TMEM184B: variants seen among roughly 807,000 people sequenced by gnomAD.
The protein encoded by TMEM184B is putative MAPK-activating protein FM08.
TMEM184B carries 17 observed loss-of-function variants against 41.8 expected under a neutral mutation model. The observed-to-expected ratio is 0.41, with a 90% CI of 0.28 to 0.61. The LOEUF is 0.61. Ranked by LOEUF, TMEM184B falls within the 20% of genes least tolerant of loss-of-function variation. TMEM184B has a pLI of 0.34. For missense variants in TMEM184B, 393 were observed against 557.8 expected (o/e 0.70, Z 2.98); for synonymous variants, 240 against 229.5 (o/e 1.05, Z -0.41).
At chr22:38,245,883 T>TACCCCCC in intron 3 of TMEM184B, 52 bp downstream of exon 3, 2 of 1,288,710 alleles carry the variant, frequency 1.6e-6, no homozygotes, top group Non-Finnish European at 2.2e-6. Context: ...GGACAGGGGC[T>TACCCCCC]CCCAGCCCCC....
chr22:38,240,554 G>T (rs2091881737), intron 3 of TMEM184B, among the ~76,000 whole-genome samples: 2 of 151,942 alleles, frequency 1.3e-5, no homozygotes, highest in African/African-American at 4.8e-5. Context: ...TGGAGGGGAA[G>T]AAATGATCAA....
chr22:38,225,489 C>G lies in TMEM184B; in HGVS notation c.722G>C (p.Ser241Thr). The change falls in exon 7 of 9, where the codon AGC becomes ACC. Residue 241 changes from serine to threonine, a missense_variant. Ser to Thr is a moderately conservative substitution (Grantham distance 58). Transcript: ENST00000361906. The surrounding 1 kb of genome is among the most constrained non-coding windows in gnomAD (Gnocchi z 4.4). ...LFYFATRELL[S>T]PYSPVLKFFM... ...GAACTTGAGGACGGGGCTGTAGGGG[C>G]TGAGCAGCTCCCGGGTGGCGAAGTA... The G allele has an allele frequency of 6.3e-7, 1 of 1,595,482 alleles. No homozygotes were observed. Among genetic ancestry groups the G allele is most frequent in the Non-Finnish European group, 8.5e-7 (1 of 1,173,712 alleles).
At chr22:38,254,846 ACTTT>A (rs890570981) in intron 1 of TMEM184B, among the ~76,000 whole-genome samples, 4 of 143,866 alleles carry the variant, frequency 2.8e-5, no homozygotes, top group Non-Finnish European at 6.0e-5. Flanking sequence ...CAACTTTGGC[ACTTT>A]CTTTTTTTTT....
rs201623224 is a variant in TMEM184B at position 38,224,915 on chromosome 22, C to T, written c.852G>A (p.Ser284=). 10 of 1,611,990 alleles carry T rather than the reference C, an allele frequency of 6.2e-6. No individual in the cohort carries two copies. The highest frequency in any genetic ancestry group is 2.2e-5 in the East Asian group (1 of 44,830). The part of the protein sequence containing the change: ...AIPKIHSARV[S]VGEGTVAAGY... ...CGGCAGCCACGGTGCCCTCGCCCAC[C>T]GACACGCGGGCCGAGTGGATTTTGG... The change falls in exon 8 of 9, where the codon TCG becomes TCA. Residue 284 remains serine (S), a synonymous_variant. Transcript: ENST00000361906.
At chr22:38,263,397 A>G (rs1027590246) in intron 1 of TMEM184B, among the ~76,000 whole-genome samples, 1 of 151,824 alleles carries the variant, frequency 6.6e-6, no homozygotes, top group African/African-American at 2.4e-5. Flanking sequence ...TCCCTTTTAC[A>G]CTGATGGCAG....
intron 8 of TMEM184B, chr22:38,223,615 T>C (rs968646553): frequency 2.0e-5 from 3 of 152,268 alleles, no homozygotes; most frequent in African/African-American, 7.2e-5. Context: ...GGCCTGCAGG[T>C]AGGCCCTGGG....
intron 1 of TMEM184B, among the ~76,000 whole-genome samples, chr22:38,257,715 AGTAATATACGTGTATACTTATT>A (rs1445570557): frequency 6.6e-6 from 1 of 152,214 alleles, no homozygotes; most frequent in African/African-American, 2.4e-5. Flanking sequence ...GAAACAGTAA[AGTAATATACGTGTATACTTATT>A]GTAACATACA....
chr22:38,243,964 G>T (rs1326642202), intron 3 of TMEM184B, among the ~76,000 whole-genome samples: 1 of 152,064 alleles, frequency 6.6e-6, no homozygotes, highest in African/African-American at 2.4e-5. Context: ...AGAGTGGCGG[G>T]GAACAGACGG....
At chr22:38,217,540 G>A (rs1182519055), downstream of TMEM184B, among the ~76,000 whole-genome samples, 2 of 152,152 alleles carry the variant, frequency 1.3e-5, no homozygotes, top group Admixed American at 6.5e-5. Context: ...TACTCGGGAG[G>A]CTGAGGCAGG....
intron 1 of TMEM184B, 191 bp downstream of exon 1, chr22:38,272,693 G>A: frequency 1.0e-6 from 1 of 985,472 alleles, no homozygotes; most frequent in Non-Finnish European, 1.2e-6. Flanking sequence ...CGGAGAGGAG[G>A]CACGGGTGGG....
At chr22:38,250,268 G>A (rs887280849) in intron 1 of TMEM184B, among the ~76,000 whole-genome samples, 2 of 152,242 alleles carry the variant, frequency 1.3e-5, no homozygotes, top group East Asian at 1.9e-4. Flanking sequence ...CCTCGCCAAC[G>A]GCCGCAGCAT....
intron 1 of TMEM184B, among the ~76,000 whole-genome samples, chr22:38,251,107 C>T (rs1278278761): frequency 6.6e-6 from 1 of 152,172 alleles, no homozygotes; most frequent in Non-Finnish European, 1.5e-5. Context: ...AGCCTCCAGA[C>T]TCTTCTAGCA....
At chr22:38,231,050 G>A (rs2091602691) in intron 4 of TMEM184B, among the ~76,000 whole-genome samples, 194 bp downstream of exon 4, 1 of 152,208 alleles carries the variant, frequency 6.6e-6, no homozygotes, top group Non-Finnish European at 1.5e-5. Flanking sequence ...AAGAGACAGA[G>A]AGAGAAAGAC....
At chr22:38,262,815 G>C (rs1196120792) in intron 1 of TMEM184B, among the ~76,000 whole-genome samples, 7 of 152,216 alleles carry the variant, frequency 4.6e-5, no homozygotes, top group Non-Finnish European at 1.0e-4. Context: ...TGGGGCCTGA[G>C]TGAGGCTCCT....
intron 3 of TMEM184B, among the ~76,000 whole-genome samples, chr22:38,242,498 C>G (rs185086345): frequency 2.0e-5 from 3 of 152,104 alleles, no homozygotes; most frequent in African/African-American, 7.2e-5. Flanking sequence ...AGAAAAAAAG[C>G]AAATGACCGT....
intron 3 of TMEM184B, among the ~76,000 whole-genome samples, chr22:38,238,632 G>A (rs1207409546): frequency 6.6e-6 from 1 of 152,202 alleles, no homozygotes; most frequent in Non-Finnish European, 1.5e-5. Context: ...CTGCACCTGC[G>A]GCCCTCGGCT....
At chr22:38,271,769 G>A (rs1272756377) in intron 1 of TMEM184B, among the ~76,000 whole-genome samples, 5 of 152,200 alleles carry the variant, frequency 3.3e-5, no homozygotes, top group African/African-American at 1.2e-4. Flanking sequence ...TCCCACCCCA[G>A]CGTCCCAGGT....
rs1262921885 is a variant in TMEM184B at position 38,221,444 on chromosome 22, G to C, written c.*25C>G. On this transcript the variant is annotated 3_prime_UTR_variant, in exon 9 of 9. Transcript: ENST00000361906. ...CAGCCTGACCGTGGCTATGGCGCCA[G>C]CACTTCCGCCACTGCAGCCCGCACC... 1 of 1,572,470 alleles carries C rather than the reference G, an allele frequency of 6.4e-7. No homozygotes were observed. The highest frequency in any genetic ancestry group is 8.6e-7 in the Non-Finnish European group (1 of 1,158,572).
At chr22:38,259,318 A>G (rs2092333534) in intron 1 of TMEM184B, among the ~76,000 whole-genome samples, 1 of 152,216 alleles carries the variant, frequency 6.6e-6, no homozygotes, top group African/African-American at 2.4e-5. Flanking sequence ...AAAGATGTTG[A>G]CATCCTAACC....
Sources: gnomAD v4.1 joint callset for allele counts (sites outside exome capture counted in the v4.1 genomes callset) on GRCh38, gnomAD v4.1.1 for gene constraint, Gnocchi (gnomAD v3.1) non-coding constraint, MANE v1.5 for transcripts, NCBI Gene and HGNC (gene_info 2026-07-23, HGNC 2026-07-21) for gene names.